LEF1: variants seen among roughly 807,000 people sequenced by gnomAD.
LEF1 encodes lymphoid enhancer binding factor 1.
A neutral mutation model predicts 51.2 loss-of-function variants in LEF1; 14 were observed. The ratio of observed to expected loss-of-function variants is 0.27; its 90% CI spans 0.18 to 0.43. The LOEUF (loss-of-function observed/expected upper bound fraction) is 0.43, where lower values mean the gene tolerates loss of function less well. Among genes scored for constraint, LEF1 ranks in the 20% least tolerant of loss-of-function variants. The pLI, the probability that LEF1 is intolerant of heterozygous loss-of-function variation, is 1.00. For synonymous variants in LEF1, 185 were observed against 183.2 expected, an observed-to-expected ratio of 1.01 and a Z score of -0.08; for missense variants, 386 against 512.0, an observed-to-expected ratio of 0.75 and a Z score of 2.37.
rs189446242 is a variant in LEF1, at chr4:108,160,369, G to A, written c.414+3199C>T. On this transcript the variant is annotated intron_variant, in intron 3 of 11. Coordinates refer to ENST00000265165, the MANE Select transcript of LEF1 (RefSeq NM_016269.5). ...TTTTAATAAACTCTCCAGGGTCCTG[G>A]CTCTAAAATATTTAACAGGCTTCTG... Among the ~76,000 whole-genome samples the A allele has an allele frequency of 2.4e-4, 37 of 152,300 alleles. 1 individual carries two copies. The East Asian group carries it at 6.6e-3, about 27-fold the overall frequency.
rs1740646435 is a variant in LEF1, at chr4:108,099,576, A to ATGTGTG, written c.415-10320_415-10319insCACACA. 9.9e-4 allele frequency among the ~76,000 whole-genome samples: 39 copies of ATGTGTG among 39,534 alleles called. 1 individual carries two copies. Among genetic ancestry groups the ATGTGTG allele is most frequent in the African/African-American group, 6.4e-3 (37 of 5,822 alleles). 25.9% of individuals were successfully genotyped at this position (39,534 alleles called of 152,430 possible). On this transcript the variant is annotated intron_variant, in intron 3 of 11. Transcript: ENST00000265165. ...TGTGTATGTGTGTGTGTGTGTATAT[A>ATGTGTG]TATATATATATATATATATATATAT...
At chr4:108,136,640 T>C (rs139201788) in intron 3 of LEF1, among the ~76,000 whole-genome samples, 9 of 152,256 alleles carry the variant, frequency 5.9e-5, no homozygotes, top group African/African-American at 1.7e-4. Context: ...TCACACATTG[T>C]ATAAAACATG....
intron 3 of LEF1, among the ~76,000 whole-genome samples, chr4:108,157,225 CACAT>C (rs1322857925): frequency 2.7e-5 from 4 of 150,076 alleles, no homozygotes; most frequent in African/African-American, 7.5e-5. Context: ...CACACAAACA[CACAT>C]ATAGCTCTTT....
Position 108,167,853 on chromosome 4 carries a change from G to T in LEF1, c.-86C>A. The T allele has an allele frequency of 8.2e-7, 1 of 1,219,516 alleles. No homozygotes were observed. Among genetic ancestry groups the T allele is most frequent in the Non-Finnish European group, 1.2e-6 (1 of 856,074 alleles). The allele number at this position is 1,219,516 out of a possible 1,614,324, so 75.5% of individuals were successfully genotyped here. A position where few individuals can be genotyped will look rare whatever the true frequency, so the allele number is the denominator to read the frequency against. The stretch of plus-strand genomic sequence containing the variant: ...AGAGGGGTAACTCAAGGGTGGGGGA[G>T]GAAAGGAGAGTTGGAAGGGTTCGTG... On this transcript the variant is annotated 5_prime_UTR_variant, in exon 1 of 12. Transcript: ENST00000265165. This position sits in a 1 kb window ranked among gnomAD's most constrained non-coding sequence, Gnocchi z 5.7.
intron 3 of LEF1, among the ~76,000 whole-genome samples, chr4:108,134,012 T>C (rs1379199039): frequency 6.6e-6 from 1 of 152,190 alleles, no homozygotes; most frequent in Non-Finnish European, 1.5e-5. Flanking sequence ...CTGTGTGTTT[T>C]ATACTCTCCC....
chr4:108,163,489 T>C, intron 3 of LEF1, 79 bp downstream of exon 3: 1 of 1,483,996 alleles, frequency 6.7e-7, no homozygotes, highest in Non-Finnish European at 9.2e-7. Flanking sequence ...CCAATGAGTT[T>C]GGAAAAATAA....
intron 3 of LEF1, among the ~76,000 whole-genome samples, chr4:108,137,229 G>T (rs943731626): frequency 6.6e-6 from 1 of 152,080 alleles, no homozygotes; most frequent in East Asian, 1.9e-4. Flanking sequence ...TTGCAAAGGC[G>T]TAAGAATAAT....
intron 3 of LEF1, among the ~76,000 whole-genome samples, chr4:108,091,348 C>A (rs1371681949): frequency 6.6e-6 from 1 of 151,648 alleles, no homozygotes; most frequent in African/African-American, 2.4e-5. Flanking sequence ...GAAGGACTCC[C>A]CTTAGAAAAA....
At chr4:108,154,611 T>C (rs1435609485) in intron 3 of LEF1, among the ~76,000 whole-genome samples, 1 of 152,090 alleles carries the variant, frequency 6.6e-6, no homozygotes, top group Non-Finnish European at 1.5e-5. Context: ...AGCTGACTGG[T>C]CAGCCCAACT....
At chr4:108,123,958 A>G (rs2110338557) in intron 3 of LEF1, among the ~76,000 whole-genome samples, 1 of 152,226 alleles carries the variant, frequency 6.6e-6, no homozygotes, top group East Asian at 1.9e-4. Context: ...CTTGGACAAC[A>G]TAGAGAAACC....
At chr4:108,049,923 AG>A (rs1736870077) in intron 11 of LEF1, among the ~76,000 whole-genome samples, 1 of 152,270 alleles carries the variant, frequency 6.6e-6, no homozygotes, top group African/African-American at 2.4e-5. Flanking sequence ...CCTGCCCTTC[AG>A]GCTTTTGGAA....
At chr4:108,064,144 A>G (rs943911895) in intron 10 of LEF1, among the ~76,000 whole-genome samples, 192 bp downstream of exon 10, 2 of 152,200 alleles carry the variant, frequency 1.3e-5, no homozygotes, top group Non-Finnish European at 2.9e-5. Flanking sequence ...CAGTTTTTAC[A>G]TGTACCTTCC....
chr4:108,147,277 A>T (rs1286418481), intron 3 of LEF1, among the ~76,000 whole-genome samples: 1 of 152,180 alleles, frequency 6.6e-6, no homozygotes, highest in Non-Finnish European at 1.5e-5. Flanking sequence ...AAAAGTCTTT[A>T]AAAGGTTTTT....
chr4:108,166,640 T>C, intron 1 of LEF1: 1 of 1,045,422 alleles, frequency 9.6e-7, no homozygotes, highest in Non-Finnish European at 1.2e-6. Flanking sequence ...GTGTCTCTAT[T>C]TACTCTACTC....
intron 1 of LEF1, chr4:108,166,253 T>A: frequency 6.5e-7 from 1 of 1,535,590 alleles, no homozygotes; most frequent in Non-Finnish European, 8.7e-7. Flanking sequence ...GCCCCCAGCC[T>A]TTCAAAATTC....
At chr4:108,165,290 CTG>C (rs1232750737) in intron 1 of LEF1, 127 bp from the exon 2 acceptor site, 1 of 801,712 alleles carries the variant, frequency 1.2e-6, no homozygotes, top group Non-Finnish European at 2.2e-6. Context: ...GTTTTATACT[CTG>C]AGAGACATAC....
intron 9 of LEF1, 97 bp from the exon 10 acceptor site, chr4:108,064,481 T>C: frequency 6.1e-6 from 5 of 815,794 alleles, no homozygotes; most frequent in Non-Finnish European, 1.0e-5. Flanking sequence ...AACAAAGAGG[T>C]AAAGATGACT....
chr4:108,132,616 C>G lies in LEF1; in HGVS notation c.414+30952G>C, dbSNP rs1255269389. Among the ~76,000 whole-genome samples the G allele has an allele frequency of 2.1e-5, 3 of 143,424 alleles. No homozygotes were observed. The East Asian group carries it at 6.4e-4, about 31-fold the overall frequency. 94.1% of individuals were successfully genotyped at this position (143,424 alleles called of 152,430 possible). A position where few individuals can be genotyped will look rare whatever the true frequency, so the allele number is the denominator to read the frequency against. On this transcript the variant is annotated intron_variant, in intron 3 of 11. Coordinates refer to ENST00000265165, the MANE Select transcript of LEF1 (RefSeq NM_016269.5). ...AATGCAGTTTTCTAACAACCCTCAA[C>G]TACAGCATTCTCAATAGATATGGGA...
chr4:108,056,906 C>CA (rs58289441), intron 11 of LEF1, among the ~76,000 whole-genome samples: 8,398 of 84,852 alleles, frequency 0.099, 272 homozygotes, highest in African/African-American at 0.11. Context: ...GGCCACTATT[C>CA]AAAAAAAAAA....
Sources: gnomAD v4.1 joint callset for allele counts (sites outside exome capture counted in the v4.1 genomes callset) on GRCh38, gnomAD v4.1.1 for gene constraint, Gnocchi (gnomAD v3.1) non-coding constraint, MANE v1.5 for transcripts, NCBI Gene and HGNC (gene_info 2026-07-23, HGNC 2026-07-21) for gene names.